MTNAP1: variants seen among roughly 807,000 people sequenced by gnomAD.
The protein encoded by MTNAP1 is mitochondrial nucleoid associated protein 1.
At chr17:73,235,013 C>T in the MTNAP1 span, among the ~76,000 whole-genome samples, 1 of 151,952 alleles carries the variant, frequency 6.6e-6, no homozygotes, top group Non-Finnish European at 1.5e-5. Flanking sequence ...CTCAGGAGTT[C>T]GAGACCAGTC....
the MTNAP1 span, chr17:73,235,996 T>C: frequency 6.2e-7 from 1 of 1,614,060 alleles, no homozygotes; most frequent in African/African-American, 1.3e-5. Flanking sequence ...AGCTGGAGCG[T>C]CTTTACTGGT....
At chr17:73,233,785 A>G in the MTNAP1 span, among the ~76,000 whole-genome samples, 6 of 152,176 alleles carry the variant, frequency 3.9e-5, no homozygotes, top group African/African-American at 1.2e-4. Flanking sequence ...AGGCAGGAGA[A>G]CCGTTTGAAC....
chr17:73,236,519 C>T, the MTNAP1 span: 8 of 1,614,176 alleles, frequency 5.0e-6, no homozygotes, highest in Middle Eastern at 1.6e-4. Context: ...GGAAAGGAGT[C>T]TCAAGGGGAA....
At chr17:73,235,973 G>A in the MTNAP1 span, 7 of 1,614,114 alleles carry the variant, frequency 4.3e-6, no homozygotes, top group Admixed American at 1.2e-4. Flanking sequence ...GAAAGTCGAT[G>A]TAATCCTTCA....
At chr17:73,234,930 C>G in the MTNAP1 span, among the ~76,000 whole-genome samples, 3 of 152,042 alleles carry the variant, frequency 2.0e-5, no homozygotes, top group African/African-American at 7.2e-5. Flanking sequence ...TAACCTTTGG[C>G]TGGGCGTGGG....
the MTNAP1 span, chr17:73,248,341 A>G: frequency 1.4e-6 from 1 of 715,738 alleles, no homozygotes; most frequent in Non-Finnish European, 2.4e-6. Flanking sequence ...TCACAGAGCC[A>G]AGGAAAGAAA....
the MTNAP1 span, chr17:73,237,096 G>A: frequency 8.1e-7 from 1 of 1,230,312 alleles, no homozygotes; most frequent in Non-Finnish European, 1.1e-6. Context: ...CAGTCATTTA[G>A]TTTATTTTCA....
At chr17:73,235,305 AG>A in the MTNAP1 span, among the ~76,000 whole-genome samples, 1 of 152,184 alleles carries the variant, frequency 6.6e-6, no homozygotes, top group Admixed American at 6.5e-5. Context: ...AACGTGTTTA[AG>A]GGTTTTTAAA....
At chr17:73,235,786 A>G in the MTNAP1 span, 2 of 1,614,178 alleles carry the variant, frequency 1.2e-6, no homozygotes, top group Non-Finnish European at 8.5e-7. Flanking sequence ...TGGTTTGGAA[A>G]GAGCAGCTAC....
chr17:73,245,204 A>G, the MTNAP1 span: 98 of 1,613,500 alleles, frequency 6.1e-5, no homozygotes, highest in Non-Finnish European at 7.9e-5. Context: ...TGACCTGGAC[A>G]TCACTTAAAG....
chr17:73,232,488 G>C, the MTNAP1 span: 3 of 563,146 alleles, frequency 5.3e-6, no homozygotes, highest in Non-Finnish European at 9.1e-6. Flanking sequence ...AGCCAACGGA[G>C]GGTACGGTAT....
At chr17:73,247,601 T>C in the MTNAP1 span, 1 of 404,220 alleles carries the variant, frequency 2.5e-6, no homozygotes. Flanking sequence ...AAATAAGTTA[T>C]TTAATGAGAA....
chr17:73,236,532 A>G, the MTNAP1 span: 29 of 1,614,210 alleles, frequency 1.8e-5, no homozygotes, highest in Non-Finnish European at 2.2e-5. Context: ...AAGGGGAAAG[A>G]CCACATTTAA....
At chr17:73,242,021 C>T in the MTNAP1 span, among the ~76,000 whole-genome samples, 1 of 152,168 alleles carries the variant, frequency 6.6e-6, no homozygotes, top group Admixed American at 6.5e-5. Flanking sequence ...AACAAGTAGA[C>T]GCCCTGATTT....
At chr17:73,239,362 T>C in the MTNAP1 span, among the ~76,000 whole-genome samples, 2 of 152,166 alleles carry the variant, frequency 1.3e-5, no homozygotes, top group African/African-American at 4.8e-5. Context: ...TACACACTTT[T>C]CATTTTAGAG....
At chr17:73,244,069 A>T in the MTNAP1 span, among the ~76,000 whole-genome samples, 1 of 152,230 alleles carries the variant, frequency 6.6e-6, no homozygotes, top group Non-Finnish European at 1.5e-5. Context: ...ACAAAGTGCC[A>T]TTCTCCAAGT....
chr17:73,236,258 C>T, the MTNAP1 span: 1 of 1,614,140 alleles, frequency 6.2e-7, no homozygotes, highest in South Asian at 1.1e-5. Flanking sequence ...GATCACCTCT[C>T]AGGAGTCCCT....
At chr17:73,242,413 C>T in the MTNAP1 span, 5 of 1,172,426 alleles carry the variant, frequency 4.3e-6, no homozygotes, top group South Asian at 7.4e-5. Context: ...AAAAGTTTCT[C>T]TTCGGGCTGT....
At chr17:73,235,127 C>CAA in the MTNAP1 span, among the ~76,000 whole-genome samples, 78,041 of 151,532 alleles carry the variant, frequency 0.52, 20,147 homozygotes, top group East Asian at 0.62. Context: ...GAGGCTGAGA[C>CAA]GAGAATTGCT....
Sources: gnomAD v4.1 joint callset for allele counts (sites outside exome capture counted in the v4.1 genomes callset) on GRCh38, gnomAD v4.1.1 for gene constraint, MANE v1.5 for transcripts, NCBI Gene and HGNC (gene_info 2026-07-23, HGNC 2026-07-21) for gene names.